The following NCOA1 variants were observed in gnomAD, a reference collection of about 807,000 sequenced individuals.
NCOA1 encodes the protein nuclear receptor coactivator 1.
In NCOA1, 35 loss-of-function variants were observed where a neutral mutation model predicts 150.9. The observed-to-expected ratio is 0.23, with a 90% CI of 0.18 to 0.31. The LOEUF (loss-of-function observed/expected upper bound fraction) is 0.31. Ranked by LOEUF, NCOA1 falls within the 10% of genes least tolerant of loss-of-function variation. The probability of loss-of-function intolerance (pLI) is 1.00; values close to 1 mark genes in which losing one functional copy is unlikely to be tolerated. For missense variants in NCOA1, 1,491 were observed against 1,749.3 expected, an observed-to-expected ratio of 0.85 and a Z score of 2.63; for synonymous variants, 590 against 630.0, an observed-to-expected ratio of 0.94 and a Z score of 0.95.
At chr2:24,655,021 G>A (rs1401515784) in intron 4 of NCOA1, among the ~76,000 whole-genome samples, 3 of 152,086 alleles carry the variant, frequency 2.0e-5, no homozygotes, top group African/African-American at 7.2e-5. Flanking sequence ...TCCAGAGTAA[G>A]TATTATAACT....
intron 1 of NCOA1, among the ~76,000 whole-genome samples, chr2:24,547,514 A>T (rs1665650148): frequency 6.6e-6 from 1 of 152,188 alleles, no homozygotes; most frequent in Non-Finnish European, 1.5e-5. Flanking sequence ...ACCCTGATAA[A>T]CTATGTAGAG....
intron 3 of NCOA1, among the ~76,000 whole-genome samples, chr2:24,628,302 G>GAAA (rs56176673): frequency 7.1e-6 from 1 of 141,830 alleles, no homozygotes; most frequent in Non-Finnish European, 1.5e-5. Flanking sequence ...CTCCATCTCA[G>GAAA]AAAAAAAAAA....
chr2:24,583,215 G>A (rs1251683697), intron 2 of NCOA1, among the ~76,000 whole-genome samples: 1 of 151,956 alleles, frequency 6.6e-6, no homozygotes, highest in East Asian at 1.9e-4. Context: ...ACAGCAAAAA[G>A]CCAATAATTC....
intron 1 of NCOA1, among the ~76,000 whole-genome samples, chr2:24,537,110 C>G (rs561120777): frequency 2.0e-5 from 3 of 151,848 alleles, no homozygotes; most frequent in Non-Finnish European, 2.9e-5. Context: ...CACCTGTACC[C>G]CAAAAGCTAC....
intron 13 of NCOA1, among the ~76,000 whole-genome samples, chr2:24,708,931 A>C (rs1673597114): frequency 6.6e-6 from 1 of 152,096 alleles, no homozygotes; most frequent in Non-Finnish European, 1.5e-5. Context: ...TCCTTCACAA[A>C]CCAATTCAAA....
chr2:24,590,770 G>A (rs188347661), intron 3 of NCOA1, among the ~76,000 whole-genome samples: 1 of 152,280 alleles, frequency 6.6e-6, no homozygotes. Flanking sequence ...ATTTGCCCTA[G>A]TGCCCAACAA....
chr2:24,725,716 T>TGC (rs1351728870), intron 14 of NCOA1, among the ~76,000 whole-genome samples: 2 of 9,348 alleles, frequency 2.1e-4, no homozygotes, highest in African/African-American at 2.5e-4. Context: ...AAAGTGTGCG[T>TGC]GTGTGTGTGT....
intron 3 of NCOA1, among the ~76,000 whole-genome samples, chr2:24,591,621 T>C (rs1362910935): frequency 6.6e-6 from 1 of 152,118 alleles, no homozygotes; most frequent in Non-Finnish European, 1.5e-5. Flanking sequence ...GGCTATCTTT[T>C]AGTCTTTCCT....
intron 4 of NCOA1, among the ~76,000 whole-genome samples, chr2:24,648,368 G>A (rs1670566521): frequency 6.6e-6 from 1 of 152,030 alleles, no homozygotes; most frequent in African/African-American, 2.4e-5. Flanking sequence ...CCGCCTCCCG[G>A]GTTCAAGCAG....
chr2:24,622,117 A>G (rs1669195693), intron 3 of NCOA1, among the ~76,000 whole-genome samples: 1 of 152,248 alleles, frequency 6.6e-6, no homozygotes, highest in Admixed American at 6.5e-5. Context: ...GTTTGGTTTA[A>G]TGCACACTGA....
At chr2:24,691,732 TA>T in intron 9 of NCOA1, 72 bp downstream of exon 9, 1 of 1,492,954 alleles carries the variant, frequency 6.7e-7, no homozygotes. Flanking sequence ...AAATTAATTA[TA>T]AACTGCCTTT....
intron 14 of NCOA1, among the ~76,000 whole-genome samples, chr2:24,718,011 C>T (rs986045581): frequency 6.6e-6 from 1 of 151,750 alleles, no homozygotes; most frequent in African/African-American, 2.4e-5. Context: ...ATTCTCGTGC[C>T]TCAGCCTTCC....
chr2:24,691,655 G>A lies in NCOA1; in HGVS notation c.707G>A (p.Gly236Glu). The part of the protein sequence containing the change: ...VSQPKSIQED[G>E]EDFQSCLICI... ...CAGCCAAAATCAATTCAAGAGGATG[G>A]AGAAGGTAAAGCCAAACGGTCTTTT... is the stretch of plus-strand genomic sequence containing the variant. The change falls in exon 9 of 23, where the codon GGA becomes GAA. Residue 236 changes from glycine (G) to glutamate (E), a missense_variant. Physicochemically the swap from Gly to Glu is moderately conservative, Grantham distance 98 (BLOSUM62 -2). This residue lies in a region of NCOA1 where 99 missense variants were observed against 122.8 expected (regional missense o/e 0.81). Transcript: ENST00000348332. 1 of 1,613,436 alleles carries A rather than the reference G, an allele frequency of 6.2e-7. No individual in the cohort carries two copies. Among genetic ancestry groups the A allele is most frequent in the Non-Finnish European group, 8.5e-7 (1 of 1,179,606 alleles).
intron 2 of NCOA1, among the ~76,000 whole-genome samples, chr2:24,577,911 CAAATTT>C (rs1667055314): frequency 6.6e-6 from 1 of 152,132 alleles, no homozygotes; most frequent in African/African-American, 2.4e-5. Flanking sequence ...GTTATGCTTT[CAAATTT>C]AAGTTAAAAT....
At chr2:24,542,492 CTT>C (rs958319576) in intron 1 of NCOA1, among the ~76,000 whole-genome samples, 5 of 151,906 alleles carry the variant, frequency 3.3e-5, no homozygotes, top group South Asian at 2.1e-4. Context: ...AAATTATACA[CTT>C]TTTTTTGGCT....
chr2:24,620,334 T>C (rs1669075818), intron 3 of NCOA1, among the ~76,000 whole-genome samples: 1 of 152,248 alleles, frequency 6.6e-6, no homozygotes, highest in African/African-American at 2.4e-5. Context: ...CTGGGCGTGC[T>C]GGCTCACGCC....
intron 1 of NCOA1, chr2:24,492,023 G>A (rs1363249376): frequency 6.6e-6 from 1 of 151,994 alleles, no homozygotes; most frequent in African/African-American, 2.4e-5. Flanking sequence ...CGGCCCCGAC[G>A]ACGCCGTGAC....
intron 13 of NCOA1, among the ~76,000 whole-genome samples, chr2:24,708,173 G>A (rs376509838): frequency 2.0e-5 from 3 of 152,160 alleles, no homozygotes; most frequent in African/African-American, 4.8e-5. Context: ...TACCTTCCCT[G>A]CCCCTCTCTC....
chr2:24,662,636 TTC>T (rs1196391534), intron 5 of NCOA1, among the ~76,000 whole-genome samples: 1 of 152,200 alleles, frequency 6.6e-6, no homozygotes, highest in Non-Finnish European at 1.5e-5. Flanking sequence ...TTTACATGTA[TTC>T]TCTTTTTTAA....
Sources: allele counts gnomAD v4.1 joint callset (sites outside exome capture counted in the v4.1 genomes callset), GRCh38; gene constraint gnomAD v4.1.1; regional missense constraint gnomAD v4.1.1; transcripts MANE v1.5; gene names NCBI Gene and HGNC (gene_info 2026-07-23, HGNC 2026-07-21).